Variants in MMEL1 observed in about 807,000 individuals in gnomAD.
MMEL1 encodes membrane metallo-endopeptidase-like 1.
Under a neutral mutation model 117.1 loss-of-function variants are expected in MMEL1, and 98 were observed. That is an observed-to-expected ratio of 0.84 (90% CI 0.71 to 0.99). The LOEUF is 0.99. Among genes scored for constraint, MMEL1 ranks in the 50% least tolerant of loss-of-function variants. The pLI, the probability that MMEL1 is intolerant of heterozygous loss-of-function variation, is 0.00. For missense variants in MMEL1, 1,014 were observed against 1,049.1 expected, an observed-to-expected ratio of 0.97 and a Z score of 0.46; for synonymous variants, 390 against 415.1, an observed-to-expected ratio of 0.94 and a Z score of 0.74.
At chr1:2,613,723 C>T (rs551518304) in intron 2 of MMEL1, among the ~76,000 whole-genome samples, 6 of 152,076 alleles carry the variant, frequency 3.9e-5, no homozygotes, top group Middle Eastern at 6.8e-3. Context: ...TGGCGGCATA[C>T]GTCTGTAGTT....
rs368223268 is a variant in MMEL1 at position 2,609,792 on chromosome 1, G to A, written c.332C>T (p.Pro111Leu). 22 of 1,613,386 alleles carry A rather than the reference G, an allele frequency of 1.4e-5. No homozygotes were observed. The Admixed American group carries it at 2.0e-4, about 15-fold the overall frequency. ...TGCAAACTGGTAGAAGTCGTCACAC[G>A]GTTCCGTGGTCGGGTCCATGTTCTG... is the stretch of plus-strand genomic sequence containing the variant. ...ILQNMDPTTE[P>L]CDDFYQFACG... The change falls in exon 5 of 24, where the codon CCG becomes CTG. Residue 111 changes from proline to leucine, a missense_variant. Physicochemically the swap from Pro to Leu is moderately conservative, Grantham distance 98. Coordinates refer to ENST00000378412, the MANE Select transcript of MMEL1 (RefSeq NM_033467.4).
intron 2 of MMEL1, among the ~76,000 whole-genome samples, chr1:2,621,102 C>T (rs974614252): frequency 2.6e-5 from 4 of 152,068 alleles, no homozygotes; most frequent in East Asian, 3.9e-4. Context: ...CTGGGCAACA[C>T]AGAGAGACCC....
At chr1:2,631,110 C>A (rs1255704899) in intron 1 of MMEL1, among the ~76,000 whole-genome samples, 7 of 152,184 alleles carry the variant, frequency 4.6e-5, no homozygotes, top group Admixed American at 4.6e-4. Context: ...CATATGTGAG[C>A]ACATGCATGG....
chr1:2,621,752 G>A (rs1243262568), intron 2 of MMEL1, among the ~76,000 whole-genome samples: 4 of 152,148 alleles, frequency 2.6e-5, no homozygotes, highest in Admixed American at 6.5e-5. Flanking sequence ...AAGTAGAGAT[G>A]GGGTTTCTCA....
intron 2 of MMEL1, among the ~76,000 whole-genome samples, chr1:2,613,717 G>A (rs944511354): frequency 2.0e-5 from 3 of 152,052 alleles, no homozygotes; most frequent in Non-Finnish European, 2.9e-5. Context: ...CAAGCATGGC[G>A]GCATACGTCT....
At chr1:2,592,132 G>A (rs1344030894) in intron 21 of MMEL1, 105 bp from the exon 22 acceptor site, 4 of 893,598 alleles carry the variant, frequency 4.5e-6, no homozygotes, top group African/African-American at 1.7e-5. Flanking sequence ...CTACCCCTGT[G>A]GGGGTCCTGC....
At chr1:2,594,581 C>T (rs1382660932) in intron 17 of MMEL1, 138 bp from the exon 18 acceptor site, 4 of 1,149,656 alleles carry the variant, frequency 3.5e-6, no homozygotes, top group African/African-American at 3.1e-5. Context: ...CTGGTTCCTT[C>T]CTGGGGTCCC....
rs1029752045 is a variant in MMEL1, at chr1:2,605,456, C to A, written c.816+102G>T. 12 of 1,028,880 alleles carry A rather than the reference C, an allele frequency of 1.2e-5. No individual in the cohort carries two copies. The African/African-American group carries it at 1.7e-4, about 15-fold the overall frequency. 63.7% of individuals were successfully genotyped at this position (1,028,880 alleles called of 1,614,324 possible). ...CAACCTCCACAGGTGCTCACTAACACCAGCTTCGGGGAGGGAAGGCCAGGT... is the reference window on the plus strand; with the variant it reads ...CAACCTCCACAGGTGCTCACTAACAACAGCTTCGGGGAGGGAAGGCCAGGT... On this transcript the variant is annotated intron_variant, in intron 9 of 23. Coordinates refer to ENST00000378412, the MANE Select transcript of MMEL1 (RefSeq NM_033467.4).
intron 1 of MMEL1, among the ~76,000 whole-genome samples, chr1:2,631,327 G>A (rs912613129): frequency 1.3e-5 from 2 of 152,266 alleles, no homozygotes; most frequent in Admixed American, 6.5e-5. Context: ...CTGCCTGTGG[G>A]TGGGTCAGGG....
intron 2 of MMEL1, among the ~76,000 whole-genome samples, chr1:2,625,054 C>T (rs1208644296): frequency 6.6e-6 from 1 of 152,188 alleles, no homozygotes; most frequent in East Asian, 1.9e-4. Flanking sequence ...CACATCCCAC[C>T]AGGCCTCTCC....
chr1:2,593,023 C>G, intron 19 of MMEL1, 57 bp from the exon 20 acceptor site: 1 of 1,586,214 alleles, frequency 6.3e-7, no homozygotes, highest in Non-Finnish European at 8.6e-7. Context: ...GTGCCTGGCC[C>G]CACGGCAGCC....
chr1:2,610,417 T>C (rs1050614531), intron 4 of MMEL1, among the ~76,000 whole-genome samples: 2 of 151,942 alleles, frequency 1.3e-5, no homozygotes, highest in Non-Finnish European at 2.9e-5. Flanking sequence ...ACACCAGCGG[T>C]CTGACTTGCA....
At chr1:2,604,018 C>A (rs371081498) in intron 10 of MMEL1, 45 bp from the exon 11 acceptor site, 1 of 1,604,424 alleles carries the variant, frequency 6.2e-7, no homozygotes, top group Non-Finnish European at 8.5e-7. Context: ...CCAGGATGCC[C>A]CCTGGGGCTC....
rs35881431 is a variant in MMEL1, at chr1:2,617,426, C to CAA, written c.155-5224_155-5223dup. On this transcript the variant is annotated intron_variant, in intron 2 of 23. Transcript: ENST00000378412. ...TGGGCGACAGAGAGAGACTCCGTCT[C>CAA]AAAAAAAAAAAAAAAAAAAAAAAAT... Among the ~76,000 whole-genome samples, 37 of 56,040 alleles carry CAA rather than the reference C, an allele frequency of 6.6e-4. 1 individual carries two copies. Among genetic ancestry groups the CAA allele is most frequent in the African/African-American group, 1.7e-3 (22 of 13,002 alleles). The allele number at this position is 56,040 out of a possible 152,430, so 36.8% of individuals were successfully genotyped here.
Position 2,591,797 on chromosome 1 carries a change from G to A in MMEL1, c.2163+135C>T, listed in dbSNP as rs142459231. 577 of 1,071,398 alleles carry A rather than the reference G, an allele frequency of 5.4e-4. 4 individuals carry two copies. The African/African-American group carries it at 7.5e-3, about 14-fold the overall frequency. The allele number at this position is 1,071,398 out of a possible 1,614,324, so 66.4% of individuals were successfully genotyped here. A position where few individuals can be genotyped will look rare whatever the true frequency, so the allele number is the denominator to read the frequency against. ...AGCATTGAAATCCTGTCCAGCTCCC[G>A]CCCCCTGCCCCTCATGCTTTTCCCC... On this transcript the variant is annotated intron_variant, in intron 22 of 23. Coordinates refer to ENST00000378412, the MANE Select transcript of MMEL1 (RefSeq NM_033467.4).
intron 11 of MMEL1, among the ~76,000 whole-genome samples, chr1:2,600,827 A>G (rs527991929): frequency 2.0e-5 from 3 of 152,372 alleles, no homozygotes; most frequent in Admixed American, 1.3e-4. Flanking sequence ...ATTTCCATAT[A>G]TCAGCAACAA....
intron 13 of MMEL1, among the ~76,000 whole-genome samples, 175 bp downstream of exon 13, chr1:2,598,032 C>T (rs575733630): frequency 9.8e-5 from 15 of 152,370 alleles, no homozygotes; most frequent in African/African-American, 1.4e-4. Context: ...GGCAGAGCTA[C>T]GTTCTGCCTT....
At chr1:2,629,549 A>AGAGGGGC in intron 1 of MMEL1, 28 bp from the exon 2 acceptor site, 9 of 1,391,188 alleles carry the variant, frequency 6.5e-6, no homozygotes, top group Non-Finnish European at 8.4e-6. Flanking sequence ...GGGAGAGGGG[A>AGAGGGGC]GAGGGGCGTG....
chr1:2,593,909 G>T lies in MMEL1; in HGVS notation c.1772C>A (p.Pro591His). The T allele has an allele frequency of 1.2e-6, 2 of 1,610,912 alleles. No homozygotes were observed. The highest frequency in any genetic ancestry group is 1.7e-6 in the Non-Finnish European group (2 of 1,178,520). Residue 591 changes from proline to histidine, a missense_variant, in exon 19 of 24, where the codon CCC becomes CAC. By Grantham distance (77) the Pro-to-His change is moderately conservative. Transcript: ENST00000378412. The stretch of plus-strand genomic sequence containing the variant: ...TGGCTGCTCCTTGCTGAAGAAGGGG[G>T]GCTGGAGGATCCCGGCAGGGAATAC... The part of the protein sequence containing the change: ...QIVFPAGILQ[P>H]PFFSKEQPQA...
Sources: gnomAD v4.1 joint callset for allele counts (sites outside exome capture counted in the v4.1 genomes callset) on GRCh38, gnomAD v4.1.1 for gene constraint, MANE v1.5 for transcripts, NCBI Gene and HGNC (gene_info 2026-07-23, HGNC 2026-07-21) for gene names.